The following CDC14B variants were observed in gnomAD, a reference collection of about 807,000 sequenced individuals.
The protein encoded by CDC14B is dual specificity protein phosphatase CDC14B.
CDC14B carries 22 observed loss-of-function variants against 64.2 expected under a neutral mutation model. The observed-to-expected ratio is 0.34, with a 90% CI of 0.24 to 0.49. The LOEUF is 0.49. Ranked by LOEUF, CDC14B falls within the 20% of genes least tolerant of loss-of-function variation. The pLI is 0.99. For missense variants in CDC14B, 498 were observed against 629.9 expected, an observed-to-expected ratio of 0.79 and a Z score of 2.24; for synonymous variants, 191 against 215.8, an observed-to-expected ratio of 0.89 and a Z score of 1.01.
chr9:96,595,851 G>A (rs1224805202), intron 1 of CDC14B, among the ~76,000 whole-genome samples: 2 of 151,806 alleles, frequency 1.3e-5, no homozygotes, highest in Non-Finnish European at 2.9e-5. Context: ...CATTTTTGAG[G>A]GGATAATGAA....
intron 1 of CDC14B, among the ~76,000 whole-genome samples, chr9:96,567,440 C>T (rs1844160906): frequency 6.6e-6 from 1 of 152,266 alleles, no homozygotes; most frequent in South Asian, 2.1e-4. Flanking sequence ...CCAAGTGCCC[C>T]CGCAGGGCCG....
intron 13 of CDC14B, 144 bp downstream of exon 13, chr9:96,509,529 C>T (rs570330155): frequency 1.2e-5 from 8 of 683,990 alleles, no homozygotes; most frequent in Admixed American, 5.2e-5. Flanking sequence ...AGATAATGAA[C>T]AAGGAATACA....
At chr9:96,591,918 T>G (rs916676219) in intron 1 of CDC14B, among the ~76,000 whole-genome samples, 1 of 152,036 alleles carries the variant, frequency 6.6e-6, no homozygotes, top group Non-Finnish European at 1.5e-5. Context: ...GCTAATTTTT[T>G]GTATTTTTAG....
chr9:96,563,757 T>A (rs1479581664), intron 3 of CDC14B, among the ~76,000 whole-genome samples: 5 of 149,618 alleles, frequency 3.3e-5, no homozygotes, highest in Middle Eastern at 3.5e-3. Context: ...AGGAAAAAAA[T>A]TTTTTTCCAA....
chr9:96,495,437 ACTTCAGTGTGC>A (rs1037549278), downstream of CDC14B, among the ~76,000 whole-genome samples: 3 of 123,972 alleles, frequency 2.4e-5, no homozygotes, highest in Non-Finnish European at 4.8e-5. Flanking sequence ...GCTCACATTG[ACTTCAGTGTGC>A]CTGGCACTCC....
chr9:96,530,729 T>C (rs1457696315), intron 9 of CDC14B, among the ~76,000 whole-genome samples: 1 of 151,646 alleles, frequency 6.6e-6, no homozygotes, highest in Non-Finnish European at 1.5e-5. Flanking sequence ...AAACCAAGCC[T>C]CCTTGTCTTC....
chr9:96,565,002 G>A (rs992200086), intron 2 of CDC14B, 150 bp from the exon 3 acceptor site: 8 of 561,554 alleles, frequency 1.4e-5, no homozygotes, highest in Admixed American at 3.6e-5. Context: ...TTTTACTGGT[G>A]GAAGACTATT....
intron 1 of CDC14B, among the ~76,000 whole-genome samples, chr9:96,610,957 A>G (rs1330947733): frequency 6.6e-6 from 1 of 152,206 alleles, no homozygotes; most frequent in African/African-American, 2.4e-5. Context: ...GATTAAGACC[A>G]GCAAACAGGA....
chr9:96,548,097 T>A (rs1048760391), intron 5 of CDC14B, among the ~76,000 whole-genome samples: 2 of 152,148 alleles, frequency 1.3e-5, no homozygotes, highest in Non-Finnish European at 2.9e-5. Flanking sequence ...AGTGCTAGGA[T>A]TACAGGCGTG....
chr9:96,506,901 C>A (rs189093157), intron 13 of CDC14B, among the ~76,000 whole-genome samples: 1 of 152,232 alleles, frequency 6.6e-6, no homozygotes, highest in Non-Finnish European at 1.5e-5. Context: ...TGGCAAGTGC[C>A]AGCCAGGCTC....
At chr9:96,614,626 A>G (rs753496524) in intron 1 of CDC14B, among the ~76,000 whole-genome samples, 1 of 152,196 alleles carries the variant, frequency 6.6e-6, no homozygotes, top group Non-Finnish European at 1.5e-5. Flanking sequence ...GAGAAAGTAC[A>G]CTGCCATGAA....
intron 1 of CDC14B, among the ~76,000 whole-genome samples, chr9:96,586,835 T>C (rs1357135727): frequency 1.3e-5 from 2 of 151,702 alleles, no homozygotes; most frequent in African/African-American, 4.9e-5. Context: ...ATTCCCTATA[T>C]TCTATCAACC....
intron 6 of CDC14B, among the ~76,000 whole-genome samples, chr9:96,541,539 T>C (rs1007806160): frequency 1.3e-5 from 2 of 152,230 alleles, no homozygotes; most frequent in Non-Finnish European, 2.9e-5. Context: ...GATCATAATA[T>C]ACTCAAAACC....
intron 1 of CDC14B, among the ~76,000 whole-genome samples, chr9:96,611,003 A>G (rs922547004): frequency 5.9e-4 from 89 of 152,126 alleles, no homozygotes; most frequent in Admixed American, 9.2e-4. Context: ...AACAGATTAA[A>G]TTCTACAGTT....
In CDC14B at chr9:96,504,491, C is replaced by T. The variant is rs182899602; in HGVS notation, c.1461-702G>A. 1.4e-3 allele frequency among the ~76,000 whole-genome samples: 208 copies of T among 152,318 alleles called. 2 individuals carry two copies. The highest frequency in any genetic ancestry group is 4.6e-3 in the African/African-American group (193 of 41,562). ...TGCTGCTGCGCTCTTCAAGGAGAAGCGTTTGAATCGATCATTTCGTTTTCA... is the reference window on the plus strand; with the variant it reads ...TGCTGCTGCGCTCTTCAAGGAGAAGTGTTTGAATCGATCATTTCGTTTTCA... On this transcript the variant is annotated intron_variant, in intron 13 of 13. Coordinates refer to ENST00000375241, the MANE Select transcript of CDC14B (RefSeq NM_033331.4).
intron 4 of CDC14B, among the ~76,000 whole-genome samples, chr9:96,554,966 G>A (rs1344021399): frequency 6.6e-6 from 1 of 152,110 alleles, no homozygotes; most frequent in Non-Finnish European, 1.5e-5. Context: ...TGGACACTTG[G>A]CGTTTCTCAA....
At chr9:96,542,008 G>A (rs935891676) in intron 5 of CDC14B, 116 bp from the exon 6 acceptor site, 9 of 574,222 alleles carry the variant, frequency 1.6e-5, no homozygotes, top group South Asian at 4.3e-5. Flanking sequence ...TTATCAAGAA[G>A]AAAAAAATCT....
intron 5 of CDC14B, among the ~76,000 whole-genome samples, chr9:96,546,131 G>A (rs963761635): frequency 2.6e-5 from 4 of 152,088 alleles, no homozygotes; most frequent in African/African-American, 9.7e-5. Flanking sequence ...ATTCACCACG[G>A]CCAAAAACTA....
At chr9:96,603,074 T>C (rs369927047) in intron 1 of CDC14B, among the ~76,000 whole-genome samples, 111 of 151,836 alleles carry the variant, frequency 7.3e-4, no homozygotes, top group South Asian at 4.6e-3. Context: ...TCTGTGCTCA[T>C]TGAGTAACCT....
Sources: allele counts gnomAD v4.1 joint callset (sites outside exome capture counted in the v4.1 genomes callset), GRCh38; gene constraint gnomAD v4.1.1; transcripts MANE v1.5; gene names NCBI Gene and HGNC (gene_info 2026-07-23, HGNC 2026-07-21).